ADGRL2: variants seen among roughly 807,000 people sequenced by gnomAD.
ADGRL2 encodes adhesion G protein-coupled receptor L2.
A neutral mutation model predicts 157.4 loss-of-function variants in ADGRL2; 44 were observed. The ratio of observed to expected loss-of-function variants is 0.28; its 90% CI spans 0.22 to 0.36. ADGRL2 has a LOEUF of 0.36. Ranked by LOEUF, ADGRL2 falls within the 10% of genes least tolerant of loss-of-function variation. The pLI is 1.00. For missense variants in ADGRL2, 1,510 were observed against 1,768.9 expected (o/e 0.85, Z 2.63); for synonymous variants, 585 against 624.7 (o/e 0.94, Z 0.95).
chr1:81,684,051 G>A (rs748512554), intron 3 of ADGRL2, among the ~76,000 whole-genome samples: 4 of 152,058 alleles, frequency 2.6e-5, no homozygotes, highest in Non-Finnish European at 4.4e-5. Context: ...TCCTGACCTC[G>A]TGATCCGCCT....
At chr1:81,659,267 G>T (rs570718748) in intron 3 of ADGRL2, among the ~76,000 whole-genome samples, 1 of 151,842 alleles carries the variant, frequency 6.6e-6, no homozygotes, top group Non-Finnish European at 1.5e-5. Context: ...TCACTATGTT[G>T]GCCAAGCTGG....
intron 2 of ADGRL2, among the ~76,000 whole-genome samples, chr1:81,792,321 T>C (rs1415374930): frequency 1.3e-5 from 2 of 152,176 alleles, no homozygotes; most frequent in African/African-American, 2.4e-5. Context: ...ATGCAAACAG[T>C]GGGTGATCAC....
At chr1:81,723,221 T>C (rs1197759654) in intron 1 of ADGRL2, among the ~76,000 whole-genome samples, 1 of 152,160 alleles carries the variant, frequency 6.6e-6, no homozygotes, top group East Asian at 1.9e-4. Context: ...CTCCCCCAAA[T>C]GCAGCTGAAG....
In ADGRL2 at chr1:81,387,745, C is replaced by A. The variant is rs143017500; in HGVS notation, c.-301-57291C>A. Among the ~76,000 whole-genome samples, 3 of 152,208 alleles carry A rather than the reference C, an allele frequency of 2.0e-5. No individual in the cohort carries two copies. The East Asian group carries it at 5.8e-4, about 29-fold the overall frequency. The stretch of plus-strand genomic sequence containing the variant: ...TAGTATGGCTTTCTCTCTATTAATT[C>A]TGCCTGGGAATACGGGTGGCCTCTG... On this transcript the variant is annotated intron_variant, in intron 1 of 24. Coordinates refer to the ADGRL2 transcript ENST00000370721.
intron 1 of ADGRL2, among the ~76,000 whole-genome samples, chr1:81,376,585 T>C (rs997057588): frequency 6.6e-6 from 1 of 151,508 alleles, no homozygotes. Flanking sequence ...CCTTCCTTCC[T>C]TCTTTCCTTG....
rs11388955 is a variant in ADGRL2, at chr1:81,512,916, A to ATT, written c.-248+67837_-248+67838dup. 1.4e-3 allele frequency among the ~76,000 whole-genome samples: 213 copies of ATT among 149,274 alleles called. 1 individual carries two copies. The Middle Eastern group carries it at 0.021, about 14-fold the overall frequency. On this transcript the variant is annotated intron_variant, in intron 2 of 24. Transcript: ENST00000370721. ...CAGAATCATTGCTTTCTCTTGGCTA[A>ATT]TTTTTTTTTTTACCTAGTCCCCAAC...
chr1:81,821,614 GTTTAA>G (rs1342112129), intron 1 of ADGRL2, among the ~76,000 whole-genome samples: 2 of 152,024 alleles, frequency 1.3e-5, no homozygotes, highest in African/African-American at 2.4e-5. Flanking sequence ...AATATCTATG[GTTTAA>G]TTTAAAGTAG....
At chr1:81,535,118 C>A (rs193173979) in intron 2 of ADGRL2, among the ~76,000 whole-genome samples, 4 of 152,082 alleles carry the variant, frequency 2.6e-5, no homozygotes, top group African/African-American at 9.7e-5. Flanking sequence ...TAGTCCAAGT[C>A]GGCTTTAAGT....
At chr1:81,697,199 C>T (rs1414037528), upstream of ADGRL2, among the ~76,000 whole-genome samples, 1 of 152,086 alleles carries the variant, frequency 6.6e-6, no homozygotes, top group East Asian at 1.9e-4. Context: ...TGGACCTTAT[C>T]AACCATGAAA....
At chr1:81,616,488 T>C (rs899713573) in intron 3 of ADGRL2, among the ~76,000 whole-genome samples, 15 of 152,090 alleles carry the variant, frequency 9.9e-5, no homozygotes, top group Admixed American at 2.0e-4. Context: ...GAGTGTAGAA[T>C]CTTTTTCAGA....
intron 3 of ADGRL2, among the ~76,000 whole-genome samples, chr1:81,666,211 G>A (rs927802887): frequency 1.3e-5 from 2 of 152,154 alleles, no homozygotes; most frequent in African/African-American, 2.4e-5. Context: ...GAACAACTCC[G>A]TGTGGCCCAT....
intron 1 of ADGRL2, among the ~76,000 whole-genome samples, chr1:81,708,822 A>G (rs1265775852): frequency 1.3e-5 from 2 of 152,072 alleles, no homozygotes; most frequent in Non-Finnish European, 2.9e-5. Context: ...TTGGGCTTGT[A>G]TAAGCTTTCT....
At chr1:81,904,703 T>A (rs1172817536) in intron 2 of ADGRL2, among the ~76,000 whole-genome samples, 3 of 152,102 alleles carry the variant, frequency 2.0e-5, no homozygotes. Context: ...AGGTCAAGGG[T>A]TCGAGACCAG....
intron 2 of ADGRL2, among the ~76,000 whole-genome samples, chr1:81,464,097 T>C (rs2077999265): frequency 6.6e-6 from 1 of 152,136 alleles, no homozygotes. Context: ...AATCTTGAAA[T>C]GATTGATACT....
At chr1:81,322,190 A>G (rs12071218) in intron 1 of ADGRL2, among the ~76,000 whole-genome samples, 17,963 of 149,562 alleles carry the variant, frequency 0.12, 1,581 homozygotes, top group African/African-American at 0.25. Flanking sequence ...ACATATACAT[A>G]TACATATATA....
chr1:81,967,298 G>T (rs1657369781), intron 13 of ADGRL2, among the ~76,000 whole-genome samples: 1 of 144,122 alleles, frequency 6.9e-6, no homozygotes, highest in South Asian at 2.2e-4. Flanking sequence ...GTCTCGCTCT[G>T]TTGCCCAGTC....
chr1:81,540,732 T>C (rs1251621381), intron 2 of ADGRL2, among the ~76,000 whole-genome samples: 4 of 151,934 alleles, frequency 2.6e-5, no homozygotes, highest in Non-Finnish European at 5.9e-5. Flanking sequence ...AATTCAAAGG[T>C]ATTAAGATTT....
intron 1 of ADGRL2, among the ~76,000 whole-genome samples, chr1:81,353,193 C>T (rs1390085227): frequency 6.7e-6 from 1 of 149,404 alleles, no homozygotes; most frequent in Non-Finnish European, 1.5e-5. Context: ...TAGGCACTTC[C>T]CATACTGCCT....
intron 2 of ADGRL2, among the ~76,000 whole-genome samples, chr1:81,871,621 G>C (rs57045503): frequency 1.4e-4 from 21 of 152,116 alleles, no homozygotes; most frequent in Non-Finnish European, 1.9e-4. Context: ...TATAATGATC[G>C]CCATTCTAAG....
Sources: gnomAD v4.1 joint callset for allele counts (sites outside exome capture counted in the v4.1 genomes callset) on GRCh38, gnomAD v4.1.1 for gene constraint, MANE v1.5 for transcripts, NCBI Gene and HGNC (gene_info 2026-07-23, HGNC 2026-07-21) for gene names.